The following SUGCT variants were observed in gnomAD, a reference collection of about 807,000 sequenced individuals.
SUGCT encodes succinyl-CoA:glutarate-CoA transferase, also known as succinyl-CoA:glutarate CoA-transferase.
In SUGCT, 41 loss-of-function variants were observed where a neutral mutation model predicts 55.0. The observed-to-expected ratio is 0.74, with a 90% CI of 0.58 to 0.97. The LOEUF is 0.97. Among genes scored for constraint, SUGCT ranks in the 50% least tolerant of loss-of-function variants. The pLI is 0.00. For synonymous variants in SUGCT, 187 were observed against 200.4 expected (o/e 0.93, Z 0.56); for missense variants, 568 against 547.8 (o/e 1.04, Z -0.37).
the SUGCT span, among the ~76,000 whole-genome samples, chr7:40,938,793 A>G: frequency 6.6e-6 from 1 of 152,130 alleles, no homozygotes; most frequent in African/African-American, 2.4e-5. Context: ...TTCCTGAATT[A>G]CTTCACTTAG....
rs1193739752 is a variant in SUGCT, at chr7:40,690,896, C to T, written c.1090-58538C>T. 2.0e-5 allele frequency among the ~76,000 whole-genome samples: 3 copies of T among 152,098 alleles called. No individual in the cohort carries two copies. The East Asian group carries it at 5.8e-4, about 29-fold the overall frequency. On this transcript the variant is annotated intron_variant, in intron 12 of 13. Coordinates refer to ENST00000335693, the MANE Select transcript of SUGCT (RefSeq NM_001193313.2). ...CTGGCCATCCATATAAACATTTGAG[C>T]TGAAATCTTAGGAGGACCTAAAGGT...
At chr7:40,488,312 G>T (rs1437662105) in intron 11 of SUGCT, among the ~76,000 whole-genome samples, 1 of 151,900 alleles carries the variant, frequency 6.6e-6, no homozygotes, top group African/African-American at 2.4e-5. Context: ...GCACATTATT[G>T]TAGTTAATAA....
At chr7:40,366,818 G>A (rs1016607371) in intron 9 of SUGCT, among the ~76,000 whole-genome samples, 1 of 152,102 alleles carries the variant, frequency 6.6e-6, no homozygotes, top group Admixed American at 6.5e-5. Flanking sequence ...CTGTTGGTGG[G>A]ACTGTAAACT....
chr7:40,536,217 T>C (rs1250874504), intron 12 of SUGCT, among the ~76,000 whole-genome samples: 1 of 152,158 alleles, frequency 6.6e-6, no homozygotes, highest in African/African-American at 2.4e-5. Flanking sequence ...GAATTGCTTT[T>C]GAGAGAGGAA....
intron 6 of SUGCT, among the ~76,000 whole-genome samples, chr7:40,204,388 C>T (rs1441651518): frequency 6.6e-6 from 1 of 151,502 alleles, no homozygotes; most frequent in Non-Finnish European, 1.5e-5. Context: ...CTGCAGCCTC[C>T]ACCTCCCGGG....
At chr7:40,190,541 G>T (rs141033929) in intron 5 of SUGCT, among the ~76,000 whole-genome samples, 12 of 152,224 alleles carry the variant, frequency 7.9e-5, no homozygotes, top group African/African-American at 2.4e-4. Context: ...GAGCCACCGC[G>T]CCCAGCCCAA....
the SUGCT span, among the ~76,000 whole-genome samples, chr7:40,930,655 TC>T: frequency 6.6e-6 from 1 of 152,290 alleles, no homozygotes; most frequent in African/African-American, 2.4e-5. Flanking sequence ...TAAGTTGGAT[TC>T]CTAGATATTT....
intron 12 of SUGCT, among the ~76,000 whole-genome samples, chr7:40,545,839 G>A (rs1173460749): frequency 6.6e-6 from 1 of 152,158 alleles, no homozygotes; most frequent in Non-Finnish European, 1.5e-5. Context: ...CCAGAGAACT[G>A]TGTGATGGGG....
chr7:40,306,435 G>A (rs1487111678), intron 8 of SUGCT, among the ~76,000 whole-genome samples: 1 of 152,128 alleles, frequency 6.6e-6, no homozygotes, highest in Non-Finnish European at 1.5e-5. Flanking sequence ...CTTTCTGAGA[G>A]ATGAAACTGT....
chr7:40,607,014 G>C (rs1020942633), intron 12 of SUGCT, among the ~76,000 whole-genome samples: 1 of 152,066 alleles, frequency 6.6e-6, no homozygotes, highest in Non-Finnish European at 1.5e-5. Flanking sequence ...AGGGAGGAAT[G>C]TAGAGATCAT....
chr7:40,276,805 G>A (rs1792519428), intron 8 of SUGCT, among the ~76,000 whole-genome samples: 1 of 138,288 alleles, frequency 7.2e-6, no homozygotes. Context: ...ATGTGTGTGT[G>A]TGTGTGTGTG....
intron 12 of SUGCT, among the ~76,000 whole-genome samples, chr7:40,667,136 C>T (rs529096121): frequency 6.7e-6 from 1 of 149,474 alleles, no homozygotes; most frequent in South Asian, 2.1e-4. Flanking sequence ...CTCATTGGGA[C>T]AACAAAATGA....
chr7:40,611,045 G>T (rs1342621315), intron 12 of SUGCT, among the ~76,000 whole-genome samples: 1 of 152,094 alleles, frequency 6.6e-6, no homozygotes, highest in Non-Finnish European at 1.5e-5. Flanking sequence ...AGTGTGCTTG[G>T]TTCTGACTCC....
At chr7:40,442,479 G>T (rs934350476) in intron 9 of SUGCT, among the ~76,000 whole-genome samples, 3 of 150,908 alleles carry the variant, frequency 2.0e-5, no homozygotes, top group Non-Finnish European at 4.4e-5. Flanking sequence ...ATATCATGCA[G>T]TTTTTTTTTC....
the SUGCT span, among the ~76,000 whole-genome samples, chr7:41,014,851 G>A: frequency 6.6e-6 from 1 of 152,240 alleles, no homozygotes; most frequent in Middle Eastern, 3.4e-3. Flanking sequence ...TTCATGAGGG[G>A]CCTGACATAG....
intron 11 of SUGCT, among the ~76,000 whole-genome samples, chr7:40,492,535 C>G (rs1487385555): frequency 6.6e-6 from 1 of 152,160 alleles, no homozygotes; most frequent in Non-Finnish European, 1.5e-5. Flanking sequence ...GCACAGCAGA[C>G]AAGTTGCTTT....
chr7:40,180,816 T>C, intron 1 of SUGCT, 131 bp from the exon 2 acceptor site: 1 of 689,562 alleles, frequency 1.5e-6, no homozygotes. Context: ...ACTAGAGTCT[T>C]GTGGTCTGTG....
chr7:40,903,871 C>T, the SUGCT span, among the ~76,000 whole-genome samples: 3 of 152,212 alleles, frequency 2.0e-5, no homozygotes, highest in Non-Finnish European at 4.4e-5. Flanking sequence ...CTGAGATTGA[C>T]AACTGACCTT....
At chr7:40,390,864 C>A (rs192023367) in intron 9 of SUGCT, among the ~76,000 whole-genome samples, 5 of 152,132 alleles carry the variant, frequency 3.3e-5, no homozygotes, top group Non-Finnish European at 5.9e-5. Context: ...GGAGGCATCA[C>A]GCTACCTGAC....
Sources: allele counts gnomAD v4.1 joint callset (sites outside exome capture counted in the v4.1 genomes callset), GRCh38; gene constraint gnomAD v4.1.1; transcripts MANE v1.5; gene names NCBI Gene and HGNC (gene_info 2026-07-23, HGNC 2026-07-21).